Variants in ELOVL6 observed in about 807,000 individuals in gnomAD.
ELOVL6 encodes ELOVL fatty acid elongase 6.
ELOVL6 carries 8 observed loss-of-function variants against 31.7 expected under a neutral mutation model. The ratio of observed to expected loss-of-function variants is 0.25; its 90% CI spans 0.15 to 0.45. ELOVL6 has a LOEUF of 0.45. Ranked by LOEUF, ELOVL6 falls within the 20% of genes least tolerant of loss-of-function variation. The pLI is 1.00. For synonymous variants in ELOVL6, 101 were observed against 117.7 expected (o/e 0.86, Z 0.92); for missense variants, 126 against 326.4 (o/e 0.39, Z 4.73).
intron 1 of ELOVL6, among the ~76,000 whole-genome samples, chr4:110,168,438 G>C (rs1758843962): frequency 6.6e-6 from 1 of 151,808 alleles, no homozygotes; most frequent in East Asian, 1.9e-4. Context: ...AAAATCACTT[G>C]AACCCAGGAG....
intron 1 of ELOVL6, among the ~76,000 whole-genome samples, chr4:110,139,994 A>G (rs1228839912): frequency 6.6e-6 from 1 of 152,134 alleles, no homozygotes; most frequent in Non-Finnish European, 1.5e-5. Flanking sequence ...GGTATTCCCT[A>G]CTGATCCTAC....
At chr4:110,181,372 CG>C (rs1420540523) in intron 1 of ELOVL6, among the ~76,000 whole-genome samples, 1 of 151,992 alleles carries the variant, frequency 6.6e-6, no homozygotes, top group Non-Finnish European at 1.5e-5. Flanking sequence ...CACCAGAGCC[CG>C]GGAGGTTGAG....
intron 1 of ELOVL6, among the ~76,000 whole-genome samples, chr4:110,197,109 G>T (rs1252240160): frequency 1.3e-5 from 2 of 152,220 alleles, no homozygotes; most frequent in Non-Finnish European, 2.9e-5. Flanking sequence ...CGCGGCGGGC[G>T]GAATCCCCCG....
In ELOVL6 at chr4:110,076,158, C is replaced by T. The variant is rs539560519; in HGVS notation, c.222-16404G>A. ...CTGACAGACAGATGTGAAGAAATTG[C>T]TTGATAATGACTCAGTACTTGAATC... On this transcript the variant is annotated intron_variant, in intron 2 of 3. Transcript: ENST00000302274. 9.9e-4 allele frequency among the ~76,000 whole-genome samples: 151 copies of T among 152,282 alleles called. 1 individual carries two copies. In the South Asian group the frequency reaches 0.03, roughly 30 times the overall value.
At position 110,198,497 on chromosome 4, in the gene ELOVL6, A is replaced by G. The variant is rs1578299317; in HGVS notation, c.-162T>C. ...CGGTCGTCTCTTCTCCCAGCCTCTC[A>G]GCTACATCCAGGGCTGAGCATTGCC... On this transcript the variant is annotated 5_prime_UTR_variant, in exon 1 of 4. It removes the in-frame stop codon of an upstream open reading frame in the 5' UTR. Coordinates refer to ENST00000302274, the MANE Select transcript of ELOVL6 (RefSeq NM_024090.3). 7.0e-6 allele frequency: 4 copies of G among 569,806 alleles called. No individual in the cohort carries two copies. The highest frequency in any genetic ancestry group is 1.2e-5 in the Non-Finnish European group (4 of 329,848). 35.3% of individuals were successfully genotyped at this position (569,806 alleles called of 1,614,324 possible). A position where few individuals can be genotyped will look rare whatever the true frequency, so the allele number is the denominator to read the frequency against.
Position 110,088,596 on chromosome 4 carries a change from T to C in ELOVL6, c.221+16901A>G, listed in dbSNP as rs144126176. On this transcript the variant is annotated intron_variant, in intron 2 of 3. Coordinates refer to ENST00000302274, the MANE Select transcript of ELOVL6 (RefSeq NM_024090.3). ...TTGGCAACCTTAACATATAGTATTTTTTTCCTTACTAAGTTGAAACCTTTC... is the reference window on the plus strand; with the variant it reads ...TTGGCAACCTTAACATATAGTATTTCTTTCCTTACTAAGTTGAAACCTTTC... 3.2e-3 allele frequency among the ~76,000 whole-genome samples: 484 copies of C among 152,344 alleles called. No homozygotes were observed. In the Middle Eastern group the frequency reaches 0.037, roughly 12 times the overall value.
At chr4:110,177,060 G>A (rs1759129610) in intron 1 of ELOVL6, among the ~76,000 whole-genome samples, 2 of 152,170 alleles carry the variant, frequency 1.3e-5, no homozygotes, top group South Asian at 4.1e-4. Flanking sequence ...GTTGGTGTAG[G>A]AAAGCAATCC....
chr4:110,190,028 C>T (rs1022621244), intron 1 of ELOVL6, among the ~76,000 whole-genome samples: 1 of 151,666 alleles, frequency 6.6e-6, no homozygotes, highest in Non-Finnish European at 1.5e-5. Context: ...GATCTCCCTC[C>T]CCAAAATATA....
chr4:110,097,305 C>CAA lies in ELOVL6; in HGVS notation c.221+8190_221+8191dup, dbSNP rs33970271. On this transcript the variant is annotated intron_variant, in intron 2 of 3. Coordinates refer to ENST00000302274, the MANE Select transcript of ELOVL6 (RefSeq NM_024090.3). ...GGGTGACAGAGCGAGACTCCATCTCCAAAAAAAAAAAAAAAAAGCTTAAGA... is the reference window on the plus strand; with the variant it reads ...GGGTGACAGAGCGAGACTCCATCTCCAAAAAAAAAAAAAAAAAAAGCTTAAGA... Among the ~76,000 whole-genome samples, 40 of 88,680 alleles carry CAA rather than the reference C, an allele frequency of 4.5e-4. 1 individual carries two copies. Among genetic ancestry groups the CAA allele is most frequent in the Middle Eastern group, 6.2e-3 (1 of 162 alleles). 58.2% of individuals were successfully genotyped at this position (88,680 alleles called of 152,430 possible). A position where few individuals can be genotyped will look rare whatever the true frequency, so the allele number is the denominator to read the frequency against.
intron 1 of ELOVL6, among the ~76,000 whole-genome samples, chr4:110,113,361 C>T (rs747418262): frequency 1.1e-4 from 17 of 152,092 alleles, no homozygotes; most frequent in Admixed American, 3.3e-4. Context: ...GGGAATATTA[C>T]TTGTCCCAGG....
intron 1 of ELOVL6, among the ~76,000 whole-genome samples, chr4:110,178,797 A>T (rs1358610781): frequency 6.6e-6 from 1 of 152,178 alleles, no homozygotes; most frequent in Non-Finnish European, 1.5e-5. Flanking sequence ...AGGCTGCAGC[A>T]GCCTCGGTGA....
intron 1 of ELOVL6, among the ~76,000 whole-genome samples, chr4:110,158,078 C>T (rs1159600310): frequency 6.6e-6 from 1 of 152,160 alleles, no homozygotes; most frequent in Non-Finnish European, 1.5e-5. Context: ...GTTAATTATG[C>T]TTTAACACAT....
At chr4:110,062,327 G>A (rs1308720877) in intron 2 of ELOVL6, among the ~76,000 whole-genome samples, 4 of 152,192 alleles carry the variant, frequency 2.6e-5, no homozygotes, top group African/African-American at 4.8e-5. Flanking sequence ...TCAGAACAGA[G>A]GACAGTAGCA....
At chr4:110,092,496 C>A (rs1020671741) in intron 2 of ELOVL6, among the ~76,000 whole-genome samples, 9 of 152,206 alleles carry the variant, frequency 5.9e-5, no homozygotes, top group African/African-American at 2.2e-4. Context: ...TACCATCCTC[C>A]ACTCATATCC....
At chr4:110,118,250 G>T (rs191604159) in intron 1 of ELOVL6, among the ~76,000 whole-genome samples, 1 of 151,648 alleles carries the variant, frequency 6.6e-6, no homozygotes, top group Non-Finnish European at 1.5e-5. Flanking sequence ...GAGCCACTGC[G>T]CCTGGCCAGT....
chr4:110,193,322 C>T (rs72900571), intron 1 of ELOVL6, among the ~76,000 whole-genome samples: 1,960 of 152,262 alleles, frequency 0.013, 41 homozygotes, highest in African/African-American at 0.043. Flanking sequence ...AAATGTTTCA[C>T]GGCCGGTTGC....
At chr4:110,087,985 G>A (rs572378170) in intron 2 of ELOVL6, among the ~76,000 whole-genome samples, 133 of 152,114 alleles carry the variant, frequency 8.7e-4, no homozygotes, top group South Asian at 1.5e-3. Flanking sequence ...TTACAAATAC[G>A]TGGTTTTACT....
At chr4:110,155,461 A>G (rs998489871) in intron 1 of ELOVL6, among the ~76,000 whole-genome samples, 2 of 152,220 alleles carry the variant, frequency 1.3e-5, no homozygotes, top group Admixed American at 6.5e-5. Context: ...TCTATCAAAG[A>G]TACTTAAATA....
intron 1 of ELOVL6, among the ~76,000 whole-genome samples, chr4:110,178,679 C>G (rs1006595399): frequency 6.6e-6 from 1 of 152,016 alleles, no homozygotes; most frequent in Non-Finnish European, 1.5e-5. Flanking sequence ...CATAGTGAGA[C>G]CTCGTCTCTA....
Sources: allele counts gnomAD v4.1 joint callset (sites outside exome capture counted in the v4.1 genomes callset), GRCh38; gene constraint gnomAD v4.1.1; transcripts MANE v1.5; gene names NCBI Gene and HGNC (gene_info 2026-07-23, HGNC 2026-07-21).